The following REXO2 variants were observed in gnomAD, a reference collection of about 807,000 sequenced individuals.
REXO2 encodes RNA exonuclease 2.
A neutral mutation model predicts 30.9 loss-of-function variants in REXO2; 17 were observed. The ratio of observed to expected loss-of-function variants is 0.55; its 90% CI spans 0.38 to 0.82. The LOEUF is 0.82. Among genes scored for constraint, REXO2 ranks in the 40% least tolerant of loss-of-function variants. The pLI is 0.00. For synonymous variants in REXO2, 105 were observed against 99.6 expected (o/e 1.05, Z -0.32); for missense variants, 253 against 293.2 (o/e 0.86, Z 1.00).
At chr11:114,441,878 TATAA>T in intron 2 of REXO2, 1 of 641,186 alleles carries the variant, frequency 1.6e-6, no homozygotes, top group East Asian at 2.7e-5. Context: ...TTTAACTTTG[TATAA>T]ATAAAGCCCT....
In REXO2 at chr11:114,447,827, C is replaced by T. The variant is rs751807363; in HGVS notation, c.532C>T (p.Arg178Cys). 3 of 1,613,066 alleles carry T rather than the reference C, an allele frequency of 1.9e-6. No individual in the cohort carries two copies. Among genetic ancestry groups the T allele is most frequent in the South Asian group, 1.1e-5 (1 of 90,974 alleles). ...DVSTVKELCR[R>C]WYPEEYEFAP... ...GAGTTCCATTTCTGCTGTGTATAGA[C>T]GCTGGTATCCAGAAGAATATGAATT... Residue 178 changes from arginine to cysteine, a missense_variant and splice_region_variant, in exon 6 of 7, where the codon CGC becomes TGC. Coordinates refer to ENST00000265881, the MANE Select transcript of REXO2 (RefSeq NM_015523.4).
In REXO2 at chr11:114,450,160, C is replaced by A; in HGVS notation, c.*185C>A. 1 of 469,724 alleles carries A rather than the reference C, an allele frequency of 2.1e-6. No homozygotes were observed. Among genetic ancestry groups the A allele is most frequent in the Non-Finnish European group, 3.7e-6 (1 of 272,362 alleles). 29.1% of individuals were successfully genotyped at this position (469,724 alleles called of 1,614,324 possible). On this transcript the variant is annotated 3_prime_UTR_variant, in exon 7 of 7. Coordinates refer to ENST00000265881, the MANE Select transcript of REXO2 (RefSeq NM_015523.4). ...TGCTGTTTCCATTATGACACAGCAG[C>A]TCCTTTGTAAGTACCAGGTCATGTC...
intron 2 of REXO2, 112 bp from the exon 3 acceptor site, chr11:114,443,744 T>A (rs576259709): frequency 1.7e-5 from 12 of 725,662 alleles, no homozygotes; most frequent in South Asian, 1.4e-4. Context: ...TATCCTTATC[T>A]CTTACTTTCT....
chr11:114,440,558 A>G (rs1218599729), intron 1 of REXO2, 98 bp from the exon 2 acceptor site: 6 of 891,830 alleles, frequency 6.7e-6, no homozygotes, highest in South Asian at 1.5e-5. Flanking sequence ...ATGGATTACA[A>G]GCTGACTATG....
At chr11:114,449,668 AAAC>A (rs1946533101) in intron 6 of REXO2, among the ~76,000 whole-genome samples, 175 bp from the exon 7 acceptor site, 1 of 152,134 alleles carries the variant, frequency 6.6e-6, no homozygotes, top group Admixed American at 6.5e-5. Flanking sequence ...AGTTTTTAAA[AAAC>A]AAAGCATTTA....
At chr11:114,443,029 C>T (rs959080021) in intron 2 of REXO2, among the ~76,000 whole-genome samples, 2 of 151,750 alleles carry the variant, frequency 1.3e-5, no homozygotes, top group African/African-American at 2.4e-5. Context: ...TATATAAATG[C>T]GTGTTTTTTT....
In REXO2 at chr11:114,447,806, TC is replaced by T; in HGVS notation, c.531-18del. 1 of 1,604,068 alleles carries T rather than the reference TC, an allele frequency of 6.2e-7. No homozygotes were observed. The highest frequency in any genetic ancestry group is 8.5e-7 in the Non-Finnish European group (1 of 1,175,764). On this transcript the variant is annotated intron_variant, in intron 5 of 6. Coordinates refer to ENST00000265881, the MANE Select transcript of REXO2 (RefSeq NM_015523.4). ...ATTTGAGACAGCTTCCTTTGAGAGTTCCATTTCTGCTGTGTATAGACGCTGG... is the reference window on the plus strand; with the variant it reads ...ATTTGAGACAGCTTCCTTTGAGAGTTCATTTCTGCTGTGTATAGACGCTGG...
At chr11:114,447,672 A>G (rs1010562651) in intron 5 of REXO2, among the ~76,000 whole-genome samples, 154 bp from the exon 6 acceptor site, 3 of 152,066 alleles carry the variant, frequency 2.0e-5, no homozygotes, top group African/African-American at 7.2e-5. Context: ...GAAGAAAGAG[A>G]GGAGAGGGTA....
chr11:114,446,956 T>C (rs1946513002), intron 5 of REXO2, among the ~76,000 whole-genome samples: 1 of 132,732 alleles, frequency 7.5e-6, no homozygotes, highest in African/African-American at 3.0e-5. Context: ...TTTTTTTTTT[T>C]GAGACGGAGT....
intron 3 of REXO2, 168 bp from the exon 4 acceptor site, chr11:114,444,372 GA>G (rs201748581): frequency 2.1e-4 from 129 of 628,612 alleles, no homozygotes; most frequent in Admixed American, 3.6e-4. Flanking sequence ...GATTCTTGAA[GA>G]AAAAAAAATG....
intron 2 of REXO2, among the ~76,000 whole-genome samples, chr11:114,442,058 A>G (rs1202592513): frequency 6.6e-6 from 1 of 151,918 alleles, no homozygotes; most frequent in Non-Finnish European, 1.5e-5. Context: ...ATGGACCCGT[A>G]GGTTGATATG....
Position 114,443,879 on chromosome 11 carries a change from A to G in REXO2, c.255A>G (p.Gln85=). 6.2e-7 allele frequency: 1 copy of G among 1,609,166 alleles called. No individual in the cohort carries two copies. The highest frequency in any genetic ancestry group is 8.5e-7 in the Non-Finnish European group (1 of 1,177,768). ...LAEGPNLIIK[Q]PDELLDSMSD... is the part of the protein sequence containing the mutation. ...AGGGTCCTAACCTGATTATAAAACA[A>G]CCAGATGAGTTGCTGGACAGCATGT... Residue 85 remains glutamine (Q), a synonymous_variant, in exon 3 of 7, where the codon CAA becomes CAG. Transcript: ENST00000265881.
In REXO2 at chr11:114,440,716, T is replaced by C. The variant is rs763622548; in HGVS notation, c.208T>C (p.Ser70Pro). 6.2e-7 allele frequency: 1 copy of C among 1,613,808 alleles called. No homozygotes were observed. Among genetic ancestry groups the C allele is most frequent in the Admixed American group, 1.7e-5 (1 of 60,026 alleles). Residue 70 changes from serine (S) to proline (P), a missense_variant, in exon 2 of 7, where the codon TCT becomes CCT. By Grantham distance (74) the Ser-to-Pro change is moderately conservative. Coordinates refer to ENST00000265881, the MANE Select transcript of REXO2 (RefSeq NM_015523.4). Reference protein sequence around the residue: ...IIEMACLITDSDLNILAEGPN... With the variant: ...IIEMACLITDPDLNILAEGPN... ...TGAGATGGCCTGTCTGATAACTGAC[T>C]CTGATCTCAACATTTTGGCTGAAGT... is the stretch of plus-strand genomic sequence containing the variant.
chr11:114,446,908 A>G (rs1334786346), intron 5 of REXO2, among the ~76,000 whole-genome samples: 2 of 151,548 alleles, frequency 1.3e-5, no homozygotes, highest in African/African-American at 4.9e-5. Context: ...GTGGCAAGAA[A>G]AGTGGTAGAA....
chr11:114,441,761 C>T (rs746430531), intron 2 of REXO2: 9 of 702,032 alleles, frequency 1.3e-5, no homozygotes, highest in Non-Finnish European at 2.3e-5. Flanking sequence ...GAGGTGAGGA[C>T]GTATTTCTAG....
Position 114,439,562 on chromosome 11 carries a change from C to G in REXO2, c.34C>G (p.Arg12Gly). 1 of 1,609,212 alleles carries G rather than the reference C, an allele frequency of 6.2e-7. No homozygotes were observed. The change falls in exon 1 of 7, where the codon CGG becomes GGG. Residue 12 changes from arginine to glycine, a missense_variant. Arg to Gly is a moderately radical substitution (Grantham distance 125, BLOSUM62 -2). Coordinates refer to ENST00000265881, the MANE Select transcript of REXO2 (RefSeq NM_015523.4). The stretch of plus-strand genomic sequence containing the variant: ...CGGCTCCCTGGGCTCCAGGCTGTTG[C>G]GGGGTGTAGGTGGGAGTCACGGACG... ...LGGSLGSRLL[R>G]GVGGSHGRFG...
intron 6 of REXO2, chr11:114,449,351 C>T (rs1946531277): frequency 6.6e-6 from 1 of 152,248 alleles, no homozygotes; most frequent in Admixed American, 6.5e-5. Flanking sequence ...GTTTCTCAAA[C>T]TGTGTTCCAT....
intron 2 of REXO2, 97 bp downstream of exon 2, chr11:114,440,836 T>G: frequency 2.0e-6 from 2 of 985,792 alleles, no homozygotes; most frequent in Non-Finnish European, 3.1e-6. Flanking sequence ...ATAAGAAAGT[T>G]GAGGTCTATA....
intron 5 of REXO2, among the ~76,000 whole-genome samples, chr11:114,447,322 G>T (rs183702864): frequency 6.6e-6 from 1 of 152,312 alleles, no homozygotes; most frequent in African/African-American, 2.4e-5. Flanking sequence ...ATGTGAGAGG[G>T]TCAGTTGACA....
Sources: allele counts gnomAD v4.1 joint callset (sites outside exome capture counted in the v4.1 genomes callset), GRCh38; gene constraint gnomAD v4.1.1; transcripts MANE v1.5; gene names NCBI Gene and HGNC (gene_info 2026-07-23, HGNC 2026-07-21).